LIFR: variants seen among roughly 807,000 people sequenced by gnomAD.
LIFR encodes LIF receptor subunit alpha.
LIFR carries 84 observed loss-of-function variants against 122.2 expected under a neutral mutation model. That is an observed-to-expected ratio of 0.69 (90% CI 0.58 to 0.82). The LOEUF (loss-of-function observed/expected upper bound fraction) is 0.82. Among genes scored for constraint, LIFR ranks in the 40% least tolerant of loss-of-function variants. The pLI, the probability that LIFR is intolerant of heterozygous loss-of-function variation, is 0.00. For missense variants in LIFR, 1,294 were observed against 1,311.6 expected, an observed-to-expected ratio of 0.99 and a Z score of 0.21; for synonymous variants, 422 against 434.7, an observed-to-expected ratio of 0.97 and a Z score of 0.36.
chr5:38,601,216 A>G (rs1326878218), intron 2 of LIFR, among the ~76,000 whole-genome samples: 1 of 152,222 alleles, frequency 6.6e-6, no homozygotes, highest in Non-Finnish European at 1.5e-5. Context: ...TCTTTCTGCC[A>G]CGTGAGGACA....
chr5:38,501,414 T>C (rs995255245), intron 11 of LIFR, among the ~76,000 whole-genome samples: 2 of 152,232 alleles, frequency 1.3e-5, no homozygotes, highest in Non-Finnish European at 2.9e-5. Context: ...TACTGCATAA[T>C]ATAAATAAAG....
chr5:38,595,582 A>C (rs568319120), upstream of LIFR, among the ~76,000 whole-genome samples: 1 of 152,276 alleles, frequency 6.6e-6, no homozygotes, highest in African/African-American at 2.4e-5. Context: ...TAGTAATGGG[A>C]TAAAAAGCTT....
At chr5:38,482,717 G>C in intron 18 of LIFR, 50 bp from the exon 19 acceptor site, 1 of 761,322 alleles carries the variant, frequency 1.3e-6, no homozygotes, top group Admixed American at 2.6e-5. Flanking sequence ...AAGATTATTA[G>C]ATAATAAATT....
chr5:38,567,856 A>T (rs1749078171), intron 1 of LIFR, among the ~76,000 whole-genome samples: 1 of 152,106 alleles, frequency 6.6e-6, no homozygotes, highest in Admixed American at 6.6e-5. Flanking sequence ...AGAGCCTGCC[A>T]TGAGGTTAAT....
At chr5:38,538,879 G>A (rs187937429) in intron 1 of LIFR, among the ~76,000 whole-genome samples, 38 of 152,184 alleles carry the variant, frequency 2.5e-4, no homozygotes, top group Admixed American at 1.2e-3. Flanking sequence ...TCAGACAACC[G>A]TCCACACTAA....
At chr5:38,600,372 T>C (rs1448387966), upstream of LIFR, among the ~76,000 whole-genome samples, 2 of 152,246 alleles carry the variant, frequency 1.3e-5, no homozygotes, top group African/African-American at 4.8e-5. Context: ...CTTCAAATAC[T>C]CTACAGAGTT....
intron 1 of LIFR, among the ~76,000 whole-genome samples, chr5:38,580,351 G>C (rs1319063614): frequency 6.6e-6 from 1 of 152,058 alleles, no homozygotes; most frequent in Non-Finnish European, 1.5e-5. Flanking sequence ...AAGTCATTGT[G>C]GTGATCATCA....
chr5:38,569,977 T>G (rs2112713420), intron 1 of LIFR, among the ~76,000 whole-genome samples: 1 of 152,270 alleles, frequency 6.6e-6, no homozygotes, highest in African/African-American at 2.4e-5. Context: ...AAGTGTTAGT[T>G]GACTTAGTTT....
intron 1 of LIFR, among the ~76,000 whole-genome samples, chr5:38,551,911 G>C (rs1008683178): frequency 6.6e-6 from 1 of 152,140 alleles, no homozygotes; most frequent in African/African-American, 2.4e-5. Context: ...AGACAAATTT[G>C]CAATTCCCAT....
intron 11 of LIFR, among the ~76,000 whole-genome samples, chr5:38,500,304 A>C (rs543820098): frequency 3.9e-4 from 60 of 152,342 alleles, no homozygotes; most frequent in Non-Finnish European, 7.8e-4. Flanking sequence ...ACAATTCCAG[A>C]CACATACAGG....
At chr5:38,534,556 T>A (rs1747193115) in intron 1 of LIFR, among the ~76,000 whole-genome samples, 1 of 152,106 alleles carries the variant, frequency 6.6e-6, no homozygotes, top group Non-Finnish European at 1.5e-5. Flanking sequence ...CTAGCAAAAA[T>A]CTAGTCCTCA....
chr5:38,599,504 A>G (rs1396757408), upstream of LIFR, among the ~76,000 whole-genome samples: 1 of 152,192 alleles, frequency 6.6e-6, no homozygotes, highest in African/African-American at 2.4e-5. Context: ...CATCATTAGT[A>G]CATAGGGCCT....
In LIFR at chr5:38,490,176, C is replaced by A; in HGVS notation, c.2167+14G>T. ...TGCCTTGAGCTCTTATAAATAAGTACCCATTTAACTTACCCAATTCTTCTA... is the reference window on the plus strand; with the variant it reads ...TGCCTTGAGCTCTTATAAATAAGTAACCATTTAACTTACCCAATTCTTCTA... On this transcript the variant is annotated intron_variant, in intron 15 of 19. Coordinates refer to ENST00000453190, the MANE Select transcript of LIFR (RefSeq NM_001127671.2). The A allele has an allele frequency of 8.8e-7, 1 of 1,136,720 alleles. No individual in the cohort carries two copies. Among genetic ancestry groups the A allele is most frequent in the Non-Finnish European group, 1.3e-6 (1 of 758,474 alleles). 70.4% of individuals were successfully genotyped at this position (1,136,720 alleles called of 1,614,324 possible).
At position 38,594,216 on chromosome 5, in the gene LIFR, T is replaced by C. The variant is rs924481234; in HGVS notation, c.-20+1045A>G. Among the ~76,000 whole-genome samples the C allele has an allele frequency of 3.9e-5, 6 of 152,110 alleles. No homozygotes were observed. The South Asian group carries it at 8.3e-4, about 21-fold the overall frequency. On this transcript the variant is annotated intron_variant, in intron 1 of 19. Transcript: ENST00000263409. The stretch of plus-strand genomic sequence containing the variant: ...AGTTCTTTGTGCAAAGAAAAAAGTG[T>C]ACTTTCCTCAAAACGATGGAGATGG...
rs1250493020 is a variant in LIFR, at chr5:38,504,094, T to C, written c.1319A>G (p.Lys440Arg). ...AGCTGTTGAATTAATATCCTTCACTTTGAATGAAGTAGGAGTATGGGGATA... is the reference window on the plus strand; with the variant it reads ...AGCTGTTGAATTAATATCCTTCACTCTGAATGAAGTAGGAGTATGGGGATA... Reference protein sequence around the residue: ...KVYPHTPTSFKVKDINSTAVK... With the variant: ...KVYPHTPTSFRVKDINSTAVK... Residue 440 changes from lysine to arginine, a missense_variant, in exon 10 of 20, where the codon AAA becomes AGA. Transcript: ENST00000453190. The C allele has an allele frequency of 9.5e-6, 15 of 1,582,340 alleles. No homozygotes were observed. Among genetic ancestry groups the C allele is most frequent in the African/African-American group, 1.3e-5 (1 of 74,236 alleles).
At chr5:38,542,087 T>C (rs1168826845) in intron 1 of LIFR, among the ~76,000 whole-genome samples, 1 of 152,206 alleles carries the variant, frequency 6.6e-6, no homozygotes, top group African/African-American at 2.4e-5. Context: ...ATCAAAGTAT[T>C]AACATGAAAC....
Position 38,493,683 on chromosome 5 carries a change from T to A in LIFR, c.1988A>T (p.Asn663Ile). The A allele has an allele frequency of 6.2e-7, 1 of 1,614,028 alleles. No individual in the cohort carries two copies. The highest frequency in any genetic ancestry group is 1.1e-5 in the South Asian group (1 of 91,046). The change falls in exon 14 of 20, where the codon AAC (asparagine) becomes ATC (isoleucine). Residue 663 changes from asparagine to isoleucine, a missense_variant. Asn to Ile is a moderately radical substitution (Grantham distance 149). Transcript: ENST00000453190. The stretch of plus-strand genomic sequence containing the variant: ...AAGGCATGGTTCCGACCGAGACGAG[T>A]TACACCACTTAATGACGTAGTCGCA... ...MTCDYVIKWCNSSRSEPCLMD... is the reference protein window; with the variant it reads ...MTCDYVIKWCISSRSEPCLMD...
intron 1 of LIFR, among the ~76,000 whole-genome samples, chr5:38,541,306 A>C (rs976425686): frequency 6.6e-6 from 1 of 152,242 alleles, no homozygotes; most frequent in African/African-American, 2.4e-5. Context: ...GAGGCCTGTG[A>C]GCTTGATAAC....
At position 38,530,599 on chromosome 5, in the gene LIFR, T is replaced by A; in HGVS notation, c.49A>T (p.Asn17Tyr). ...CLKRPSWMVD[N>Y]KRMRTASNFQ... ...TTTGAAGCAGTCCTCATTCTTTTAT[T>A]GTCCACCATCCAGGATGGTCGTTTC... Residue 17 changes from asparagine to tyrosine, a missense_variant, in exon 2 of 20, where the codon AAT (asparagine) becomes TAT (tyrosine). Transcript: ENST00000453190. The A allele has an allele frequency of 1.9e-6, 3 of 1,612,366 alleles. No individual in the cohort carries two copies. Among genetic ancestry groups the A allele is most frequent in the Non-Finnish European group, 2.5e-6 (3 of 1,178,354 alleles).
Sources: gnomAD v4.1 joint callset for allele counts (sites outside exome capture counted in the v4.1 genomes callset) on GRCh38, gnomAD v4.1.1 for gene constraint, MANE v1.5 for transcripts, NCBI Gene and HGNC (gene_info 2026-07-23, HGNC 2026-07-21) for gene names.